Variants in IK observed in about 807,000 individuals in gnomAD.
IK encodes IK cytokine.
IK carries 47 observed loss-of-function variants against 90.9 expected under a neutral mutation model. The ratio of observed to expected loss-of-function variants is 0.52; its 90% confidence interval spans 0.41 to 0.66. The LOEUF (loss-of-function observed/expected upper bound fraction) is 0.66. Among genes scored for constraint, IK ranks in the 30% least tolerant of loss-of-function variants. The pLI, the probability that IK is intolerant of heterozygous loss-of-function variation, is 0.00. For synonymous variants in IK, 201 were observed against 227.5 expected (o/e 0.88, Z 1.05); for missense variants, 385 against 709.3 (o/e 0.54, Z 5.19).
chr5:140,659,855 T>C (rs1166007336), intron 14 of IK, 21 bp downstream of exon 14: 1 of 1,535,988 alleles, frequency 6.5e-7, no homozygotes, highest in Admixed American at 1.9e-5. Flanking sequence ...TTTTAATACG[T>C]TCCTGGGTTC....
At chr5:140,660,089 G>T in intron 14 of IK, 26 bp from the exon 15 acceptor site, 1 of 1,595,432 alleles carries the variant, frequency 6.3e-7, no homozygotes, top group Non-Finnish European at 8.6e-7. Flanking sequence ...AGAATCCTGT[G>T]TAGTGTTTTC....
In IK at chr5:140,662,093, G is replaced by A. The variant is rs570543315; in HGVS notation, c.1611+86G>A. ...ATTCAGGAACAGGCAAGGGGCTGGA[G>A]AGCCATGGAAATGAGAGGTCAGCCT... On this transcript the variant is annotated intron_variant, in intron 18 of 19. Transcript: ENST00000417647. 6 of 1,586,944 alleles carry A rather than the reference G, an allele frequency of 3.8e-6. No homozygotes were observed. In the South Asian group the frequency reaches 4.5e-5, roughly 12 times the overall value.
At chr5:140,653,224 T>A in intron 5 of IK, 80 bp downstream of exon 5, 1 of 1,296,130 alleles carries the variant, frequency 7.7e-7, no homozygotes. Context: ...TCCTCTTACT[T>A]TCCTGCCCTG....
chr5:140,658,567 G>A lies in IK; in HGVS notation c.911-170G>A, dbSNP rs572510738. 4.0e-5 allele frequency among the ~76,000 whole-genome samples: 6 copies of A among 151,830 alleles called. No individual in the cohort carries two copies. In the East Asian group the frequency reaches 9.7e-4, roughly 25 times the overall value. ...ACTCCTGACCTCAAGTGATCCGCCCGCCTTGGCCTCCCGAAGTGCTGGGAT... is the reference window on the plus strand; with the variant it reads ...ACTCCTGACCTCAAGTGATCCGCCCACCTTGGCCTCCCGAAGTGCTGGGAT... On this transcript the variant is annotated intron_variant, in intron 10 of 19. Transcript: ENST00000417647.
At chr5:140,648,065 T>TG in intron 1 of IK, 141 bp downstream of exon 1, 1 of 969,080 alleles carries the variant, frequency 1.0e-6, no homozygotes, top group Non-Finnish European at 1.7e-6. Context: ...TGTGTGACGC[T>TG]TGAGCCCGGA....
chr5:140,659,405 C>T (rs1209670369), intron 13 of IK, 72 bp downstream of exon 13: 4 of 1,546,892 alleles, frequency 2.6e-6, no homozygotes, highest in Non-Finnish European at 2.7e-6. Flanking sequence ...TCAGAGCTGG[C>T]AACGGTGGGA....
rs1757795159 is a variant in IK, at chr5:140,660,996, A to T, written c.1413+181A>T. 5 of 523,998 alleles carry T rather than the reference A, an allele frequency of 9.5e-6. No homozygotes were observed. The South Asian group carries it at 1.6e-4, about 17-fold the overall frequency. The allele number at this position is 523,998 out of a possible 1,614,324, so 32.5% of individuals were successfully genotyped here. A position where few individuals can be genotyped will look rare whatever the true frequency, so the allele number is the denominator to read the frequency against. ...CTTAACTATTTCAGAGTCTTTGCAC[A>T]AGATCAAATGACATAGGGTCAAAAA... On this transcript the variant is annotated intron_variant, in intron 16 of 19. Coordinates refer to ENST00000417647, the MANE Select transcript of IK (RefSeq NM_006083.4).
intron 18 of IK, 30 bp downstream of exon 18, chr5:140,662,037 G>A (rs1380055106): frequency 6.3e-7 from 1 of 1,576,646 alleles, no homozygotes; most frequent in East Asian, 2.3e-5. Flanking sequence ...GGGTGGGAGG[G>A]TTTCAGCTGG....
At chr5:140,658,800 C>A in intron 11 of IK, 24 bp downstream of exon 11, 1 of 1,606,294 alleles carries the variant, frequency 6.2e-7, no homozygotes, top group African/African-American at 1.3e-5. Context: ...CCCCTGGCAT[C>A]TGATCAGAGG....
At chr5:140,655,727 A>G in intron 8 of IK, 102 bp from the exon 9 acceptor site, 3 of 1,155,892 alleles carry the variant, frequency 2.6e-6, no homozygotes, top group Non-Finnish European at 3.7e-6. Context: ...AATGACGCAA[A>G]GCTTGCATAG....
At chr5:140,648,264 T>C in intron 1 of IK, 1 of 707,304 alleles carries the variant, frequency 1.4e-6, no homozygotes, top group Non-Finnish European at 2.6e-6. Context: ...CCGGAAGTCT[T>C]CTCTGATCCT....
chr5:140,657,685 A>C (rs531516469), intron 10 of IK, 23 bp downstream of exon 10: 4 of 1,518,196 alleles, frequency 2.6e-6, no homozygotes, highest in African/African-American at 1.4e-5. Flanking sequence ...TTAGAGAGAG[A>C]AGCCTTACCC....
Position 140,662,021 on chromosome 5 carries a change from C to A in IK, c.1611+14C>A, listed in dbSNP as rs1434396566. 1.9e-6 allele frequency: 3 copies of A among 1,589,428 alleles called. No individual in the cohort carries two copies. The highest frequency in any genetic ancestry group is 2.7e-5 in the African/African-American group (2 of 74,362). The stretch of plus-strand genomic sequence containing the variant: ...AAGATTAGTGCAGTAAGTAGGATGG[C>A]CCCTTGGGTGGGAGGGTTTCAGCTG... On this transcript the variant is annotated intron_variant, in intron 18 of 19. Transcript: ENST00000417647.
At chr5:140,650,028 G>T (rs1757588016) in intron 2 of IK, among the ~76,000 whole-genome samples, 1 of 152,046 alleles carries the variant, frequency 6.6e-6, no homozygotes. Context: ...TCCCTCCTTG[G>T]CTAAACTTTA....
Position 140,659,030 on chromosome 5 carries a change from C to G in IK, c.1042C>G (p.Arg348Gly), listed in dbSNP as rs773175710. 2 of 1,612,100 alleles carry G rather than the reference C, an allele frequency of 1.2e-6. No individual in the cohort carries two copies. The highest frequency in any genetic ancestry group is 1.7e-5 in the Admixed American group (1 of 59,964). The change falls in exon 12 of 20, where the codon CGG (arginine) becomes GGG (glycine). Residue 348 changes from arginine (R) to glycine (G), a missense_variant. Transcript: ENST00000417647. ...RERYRERERD[R>G]ERDRDRDRER... is the part of the protein sequence containing the mutation. ...GAGATATCGGGAACGGGAGCGTGAT[C>G]GGGAAAGAGACAGAGACCGTGACCG...
At chr5:140,658,695 T>A (rs769246047) in intron 10 of IK, 42 bp from the exon 11 acceptor site, 7 of 1,499,780 alleles carry the variant, frequency 4.7e-6, no homozygotes, top group Non-Finnish European at 1.8e-6. Context: ...CAGTGGAAAT[T>A]AACTGAGGAG....
In IK at chr5:140,661,498, G is replaced by C. The variant is rs1757802131; in HGVS notation, c.1414-122G>C. On this transcript the variant is annotated intron_variant, in intron 16 of 19. Coordinates refer to ENST00000417647, the MANE Select transcript of IK (RefSeq NM_006083.4). This position sits in a 1 kb window ranked among gnomAD's most constrained non-coding sequence, Gnocchi z 4.2. Reference sequence around the variant, plus strand: ...AATAAGCATTTATTATTACTTATCAGGGTATGATTTATGAATTGTGGAACC... The same window carrying C: ...AATAAGCATTTATTATTACTTATCACGGTATGATTTATGAATTGTGGAACC... 2 of 655,966 alleles carry C rather than the reference G, an allele frequency of 3.0e-6. No homozygotes were observed. The highest frequency in any genetic ancestry group is 5.5e-6 in the Non-Finnish European group (2 of 366,204). The allele number at this position is 655,966 out of a possible 1,614,324, so 40.6% of individuals were successfully genotyped here. A position where few individuals can be genotyped will look rare whatever the true frequency, so the allele number is the denominator to read the frequency against.
At chr5:140,656,127 C>T (rs1757705429) in intron 9 of IK, 135 bp downstream of exon 9, 1 of 671,352 alleles carries the variant, frequency 1.5e-6, no homozygotes. Context: ...CAACTGAATC[C>T]ATTCACTTTT....
chr5:140,657,542 T>C lies in IK; in HGVS notation c.802-12T>C, dbSNP rs1757732121. The stretch of plus-strand genomic sequence containing the variant: ...TGAGTGGTTTAACATTCTTGTTTCT[T>C]GGTATTTTCAGGCCCAGACCACACT... On this transcript the variant is annotated splice_polypyrimidine_tract_variant and intron_variant, in intron 9 of 19. Transcript: ENST00000417647. The C allele has an allele frequency of 1.3e-6, 2 of 1,568,206 alleles. No individual in the cohort carries two copies. The highest frequency in any genetic ancestry group is 1.7e-6 in the Non-Finnish European group (2 of 1,153,432).
Sources: allele counts gnomAD v4.1 joint callset (sites outside exome capture counted in the v4.1 genomes callset), GRCh38; gene constraint gnomAD v4.1.1; non-coding constraint Gnocchi (gnomAD v3.1); transcripts MANE v1.5; gene names NCBI Gene and HGNC (gene_info 2026-07-23, HGNC 2026-07-21).